Variants in SNRPN observed in about 807,000 individuals in gnomAD.
The protein encoded by SNRPN is small nuclear ribonucleoprotein polypeptide N.
SNRPN carries 7 observed loss-of-function variants against 25.2 expected under a neutral mutation model. That is an observed-to-expected ratio of 0.28 (90% confidence interval 0.16 to 0.52). SNRPN has a LOEUF of 0.52. SNRPN is among the 20% of genes least tolerant of loss of function. The pLI, the probability that SNRPN is intolerant of heterozygous loss-of-function variation, is 0.96. For synonymous variants in SNRPN, 124 were observed against 110.6 expected (o/e 1.12, Z -0.76); for missense variants, 196 against 322.5 (o/e 0.61, Z 3.00).
chr15:24,959,235 A>T (rs1186950019), intron 1 of SNRPN, among the ~76,000 whole-genome samples: 1 of 152,016 alleles, frequency 6.6e-6, no homozygotes, highest in African/African-American at 2.4e-5. Flanking sequence ...TGTGTTGGGG[A>T]TGCAGTTAGA....
chr15:24,898,543 G>A (rs1268293155), intron 2 of SNRPN, among the ~76,000 whole-genome samples: 3 of 151,454 alleles, frequency 2.0e-5, no homozygotes, highest in East Asian at 1.9e-4. Flanking sequence ...AGCGAAGATC[G>A]CACCACTGCA....
chr15:24,871,720 T>A (rs1287171294), intron 1 of SNRPN, among the ~76,000 whole-genome samples: 1 of 151,738 alleles, frequency 6.6e-6, no homozygotes, highest in African/African-American at 2.4e-5. Flanking sequence ...CTCTTTTTTT[T>A]TTGAGACAAA....
upstream of SNRPN, among the ~76,000 whole-genome samples, chr15:24,852,678 A>C (rs1199499121): frequency 6.6e-6 from 1 of 152,188 alleles, no homozygotes; most frequent in Non-Finnish European, 1.5e-5. Context: ...ACACTTTGGG[A>C]GGTGAAGGTG....
At chr15:24,834,780 G>C (rs1299189193) in intron 2 of SNRPN, among the ~76,000 whole-genome samples, 1 of 71,042 alleles carries the variant, frequency 1.4e-5, no homozygotes, top group South Asian at 3.9e-4. Flanking sequence ...TATATATATA[G>C]CCAGGCGTGG....
At chr15:24,966,175 TC>T (rs1436914479) in intron 2 of SNRPN, among the ~76,000 whole-genome samples, 1 of 152,164 alleles carries the variant, frequency 6.6e-6, no homozygotes, top group East Asian at 1.9e-4. Flanking sequence ...CACCCACACT[TC>T]CGACCAACAG....
chr15:24,961,185 T>A (rs1232951930), intron 1 of SNRPN, among the ~76,000 whole-genome samples: 7 of 152,238 alleles, frequency 4.6e-5, no homozygotes, highest in African/African-American at 1.2e-4. Flanking sequence ...TATAAAATTT[T>A]ACCATTTAGA....
intron 2 of SNRPN, among the ~76,000 whole-genome samples, chr15:24,902,617 T>C (rs945663432): frequency 1.3e-5 from 2 of 152,164 alleles, no homozygotes; most frequent in African/African-American, 2.4e-5. Context: ...GATGCTCAGA[T>C]GTGTCCAGAG....
intron 2 of SNRPN, chr15:24,848,858 A>G (rs926055008): frequency 6.6e-6 from 1 of 152,034 alleles, no homozygotes; most frequent in Non-Finnish European, 1.5e-5. Context: ...GAAAAAATGT[A>G]CAAGGTTGAA....
At chr15:24,964,321 CTTCA>C (rs1348990382) in intron 2 of SNRPN, among the ~76,000 whole-genome samples, 1 of 151,752 alleles carries the variant, frequency 6.6e-6, no homozygotes, top group Admixed American at 6.6e-5. Flanking sequence ...TTTTTCATCT[CTTCA>C]TTCTTTTTGA....
intron 1 of SNRPN, among the ~76,000 whole-genome samples, chr15:24,871,729 A>G (rs1175653619): frequency 6.6e-6 from 1 of 151,020 alleles, no homozygotes; most frequent in Non-Finnish European, 1.5e-5. Context: ...TTTTGAGACA[A>G]AGTCTCGCTC....
At chr15:24,940,121 A>G (rs1445467652) in intron 3 of SNRPN, among the ~76,000 whole-genome samples, 1 of 152,092 alleles carries the variant, frequency 6.6e-6, no homozygotes, top group Non-Finnish European at 1.5e-5. Flanking sequence ...GACTATTAAC[A>G]TCTTATCAAA....
intron 1 of SNRPN, among the ~76,000 whole-genome samples, chr15:24,961,387 A>G (rs1566958034): frequency 6.6e-6 from 1 of 152,124 alleles, no homozygotes; most frequent in Non-Finnish European, 1.5e-5. Context: ...TACTTGTGTT[A>G]CTTTAGTGAA....
intron 1 of SNRPN, among the ~76,000 whole-genome samples, chr15:24,879,798 A>G (rs2056403295): frequency 6.6e-6 from 1 of 152,208 alleles, no homozygotes; most frequent in South Asian, 2.1e-4. Context: ...CTACAATGGC[A>G]GTAGTTGCAA....
chr15:24,846,134 TTGG>T (rs1312058255), intron 2 of SNRPN, among the ~76,000 whole-genome samples: 1 of 152,078 alleles, frequency 6.6e-6, no homozygotes, highest in Admixed American at 6.6e-5. Context: ...ATCCATTAAA[TTGG>T]TATATCTTTA....
intron 2 of SNRPN, among the ~76,000 whole-genome samples, chr15:24,965,742 T>C (rs925870138): frequency 2.6e-5 from 4 of 152,186 alleles, no homozygotes; most frequent in Non-Finnish European, 4.4e-5. Flanking sequence ...TATTCTGCAC[T>C]CTATGAATTA....
chr15:24,855,548 G>A (rs145517812), upstream of SNRPN, among the ~76,000 whole-genome samples: 1 of 152,210 alleles, frequency 6.6e-6, no homozygotes, highest in African/African-American at 2.4e-5. Flanking sequence ...CCAGCATTTT[G>A]GGAGGTTGAG....
intron 2 of SNRPN, among the ~76,000 whole-genome samples, chr15:24,889,514 C>G (rs1007063429): frequency 2.7e-5 from 4 of 150,706 alleles, no homozygotes; most frequent in Non-Finnish European, 5.9e-5. Context: ...ACCGTGTTAG[C>G]CAGGATGGTC....
intron 3 of SNRPN, among the ~76,000 whole-genome samples, chr15:24,933,316 G>C (rs2061003714): frequency 6.7e-6 from 1 of 150,334 alleles, no homozygotes; most frequent in Non-Finnish European, 1.5e-5. Context: ...GAAAACATCT[G>C]TGGCTCTGGA....
At chr15:24,892,321 G>A (rs1265068293) in intron 2 of SNRPN, among the ~76,000 whole-genome samples, 2 of 152,192 alleles carry the variant, frequency 1.3e-5, no homozygotes, top group African/African-American at 4.8e-5. Flanking sequence ...GAGAAGGTAG[G>A]AGTTTGAAGG....
Sources: gnomAD v4.1 joint callset for allele counts (sites outside exome capture counted in the v4.1 genomes callset) on GRCh38, gnomAD v4.1.1 for gene constraint, MANE v1.5 for transcripts, NCBI Gene and HGNC (gene_info 2026-07-23, HGNC 2026-07-21) for gene names.